The following NALF1 variants were observed in gnomAD, a reference collection of about 807,000 sequenced individuals.
NALF1 encodes NALCN channel auxiliary factor 1.
NALF1 carries 3 observed loss-of-function variants against 48.4 expected under a neutral mutation model. That is an observed-to-expected ratio of 0.06 (90% CI 0.03 to 0.16). The LOEUF is 0.16. Ranked by LOEUF, NALF1 falls within the 10% of genes least tolerant of loss-of-function variation. The pLI is 1.00. For missense variants in NALF1, 526 were observed against 571.5 expected, an observed-to-expected ratio of 0.92 and a Z score of 0.81; for synonymous variants, 262 against 245.7, an observed-to-expected ratio of 1.07 and a Z score of -0.62.
At chr13:107,181,409 T>C (rs1403409182) in intron 2 of NALF1, among the ~76,000 whole-genome samples, 1 of 151,624 alleles carries the variant, frequency 6.6e-6, no homozygotes, top group Non-Finnish European at 1.5e-5. Flanking sequence ...GCCAATTCTC[T>C]TATGTACGTA....
At chr13:107,863,645 T>G (rs954919772) in intron 1 of NALF1, among the ~76,000 whole-genome samples, 8 of 152,216 alleles carry the variant, frequency 5.3e-5, no homozygotes, top group African/African-American at 1.9e-4. Context: ...ATGTGCTTTT[T>G]TGTGCCTACA....
intron 1 of NALF1, among the ~76,000 whole-genome samples, chr13:107,841,602 C>G (rs2138635343): frequency 6.8e-6 from 1 of 146,420 alleles, no homozygotes; most frequent in Middle Eastern, 3.6e-3. Flanking sequence ...ATTGCCCATA[C>G]AAAAGAGAAA....
At chr13:107,709,235 A>G (rs1225564436) in intron 1 of NALF1, among the ~76,000 whole-genome samples, 1 of 152,196 alleles carries the variant, frequency 6.6e-6, no homozygotes, top group East Asian at 1.9e-4. Context: ...GGTCAACTCA[A>G]TTTCATGAAA....
rs185060975 is a variant in NALF1 at position 107,678,051 on chromosome 13, T to C, written c.915+187631A>G. 1.6e-3 allele frequency among the ~76,000 whole-genome samples: 249 copies of C among 152,346 alleles called. 1 individual carries two copies. The highest frequency in any genetic ancestry group is 5.7e-3 in the African/African-American group (236 of 41,576). On this transcript the variant is annotated intron_variant, in intron 1 of 2. Coordinates refer to ENST00000375915, the MANE Select transcript of NALF1 (RefSeq NM_001080396.3). ...TCAGTTAATTTATTTATTTTTGGAT[T>C]TCTTAATAACCAGGCCATAAACAAG...
intron 1 of NALF1, among the ~76,000 whole-genome samples, chr13:107,663,991 T>G (rs1176483483): frequency 3.3e-5 from 5 of 152,104 alleles, no homozygotes; most frequent in Admixed American, 3.3e-4. Flanking sequence ...TGCTGATGAC[T>G]CCCAAATGTA....
intron 1 of NALF1, among the ~76,000 whole-genome samples, chr13:107,614,069 T>C (rs533030195): frequency 1.1e-4 from 17 of 152,346 alleles, no homozygotes; most frequent in South Asian, 1.0e-3. Context: ...TTCTTGTTTG[T>C]TCACTTTGCT....
intron 1 of NALF1, among the ~76,000 whole-genome samples, chr13:107,503,784 T>C (rs1284371712): frequency 1.3e-5 from 2 of 148,902 alleles, no homozygotes; most frequent in African/African-American, 2.5e-5. Context: ...TGTGTGTGTG[T>C]GTGTAATGAA....
chr13:107,385,025 T>C (rs547215546), intron 1 of NALF1, among the ~76,000 whole-genome samples: 5 of 152,300 alleles, frequency 3.3e-5, no homozygotes, highest in Admixed American at 6.5e-5. Flanking sequence ...ACCCACTTCA[T>C]GTGGTTGTAA....
At chr13:107,243,442 C>T (rs544980145) in intron 1 of NALF1, among the ~76,000 whole-genome samples, 2 of 152,196 alleles carry the variant, frequency 1.3e-5, no homozygotes, top group East Asian at 1.9e-4. Context: ...TTCCAGGGCA[C>T]GTATCACAAT....
At chr13:107,510,392 T>C (rs1875847650) in intron 1 of NALF1, among the ~76,000 whole-genome samples, 1 of 152,134 alleles carries the variant, frequency 6.6e-6, no homozygotes, top group African/African-American at 2.4e-5. Context: ...GAGGGTCTGA[T>C]TTCATTACTT....
chr13:107,327,904 A>G (rs1392795171), intron 1 of NALF1, among the ~76,000 whole-genome samples: 2 of 151,686 alleles, frequency 1.3e-5, no homozygotes, highest in African/African-American at 4.9e-5. Context: ...TTCAGATCTC[A>G]GCTTAAAAGT....
At chr13:107,663,324 A>C in intron 1 of NALF1, among the ~76,000 whole-genome samples, 1 of 152,196 alleles carries the variant, frequency 6.6e-6, no homozygotes, top group East Asian at 1.9e-4. Context: ...AATAGACCTG[A>C]ATAGAAAACT....
chr13:107,437,669 C>T (rs1035302969), intron 1 of NALF1, among the ~76,000 whole-genome samples: 4 of 152,102 alleles, frequency 2.6e-5, no homozygotes, highest in Non-Finnish European at 4.4e-5. Context: ...ACAGCCAAAG[C>T]GAACTCAATG....
chr13:107,456,042 A>G (rs1010272566), intron 1 of NALF1, among the ~76,000 whole-genome samples: 1 of 152,218 alleles, frequency 6.6e-6, no homozygotes, highest in Non-Finnish European at 1.5e-5. Context: ...CATACCCAGA[A>G]GAACAACTGC....
chr13:107,813,186 C>G (rs989368567), intron 1 of NALF1, among the ~76,000 whole-genome samples: 5 of 152,068 alleles, frequency 3.3e-5, no homozygotes, highest in Non-Finnish European at 7.4e-5. Flanking sequence ...AGTTACTGAG[C>G]TTTGAATAAA....
rs181146458 is a variant in NALF1 at position 107,576,969 on chromosome 13, C to T, written c.915+288713G>A. 2.3e-4 allele frequency among the ~76,000 whole-genome samples: 35 copies of T among 152,190 alleles called. No homozygotes were observed. In the East Asian group the frequency reaches 6.8e-3, roughly 29 times the overall value. Reference sequence around the variant, plus strand: ...GTTAAGTAAACTCGGGGTCAATTCCCTTAAATAAATTAGAGAATAGGCACA... The same window carrying T: ...GTTAAGTAAACTCGGGGTCAATTCCTTTAAATAAATTAGAGAATAGGCACA... On this transcript the variant is annotated intron_variant, in intron 1 of 2. Coordinates refer to ENST00000375915, the MANE Select transcript of NALF1 (RefSeq NM_001080396.3).
chr13:107,311,058 A>G (rs2138903710), intron 1 of NALF1, among the ~76,000 whole-genome samples: 1 of 152,202 alleles, frequency 6.6e-6, no homozygotes, highest in African/African-American at 2.4e-5. Context: ...AAGAAAAGAA[A>G]CTCAGAGCTG....
chr13:107,185,740 T>C lies in NALF1; in HGVS notation c.1088-14954A>G, dbSNP rs183489285. Among the ~76,000 whole-genome samples the C allele has an allele frequency of 7.4e-4, 113 of 152,322 alleles. 1 individual carries two copies. In the Middle Eastern group the frequency reaches 0.017, roughly 23 times the overall value. On this transcript the variant is annotated intron_variant, in intron 2 of 2. Transcript: ENST00000375915. ...TTAAATTAGCTTTTAAAAAACTTAGTTCTCTTATTCAAAAGATATTTTGCC... is the reference window on the plus strand; with the variant it reads ...TTAAATTAGCTTTTAAAAAACTTAGCTCTCTTATTCAAAAGATATTTTGCC...
At chr13:107,432,504 G>T (rs1466781770) in intron 1 of NALF1, among the ~76,000 whole-genome samples, 4 of 152,044 alleles carry the variant, frequency 2.6e-5, no homozygotes. Context: ...GAGTCTCCAG[G>T]GCAGGACCTA....
Sources: gnomAD v4.1 joint callset for allele counts (sites outside exome capture counted in the v4.1 genomes callset) on GRCh38, gnomAD v4.1.1 for gene constraint, MANE v1.5 for transcripts, NCBI Gene and HGNC (gene_info 2026-07-23, HGNC 2026-07-21) for gene names.